NCALD: variants seen among roughly 807,000 people sequenced by gnomAD.
NCALD encodes the protein neurocalcin-delta.
Under a neutral mutation model 18.6 loss-of-function variants are expected in NCALD, and 10 were observed. The observed-to-expected ratio is 0.54, with a 90% CI of 0.33 to 0.91. The LOEUF is 0.91. Ranked by LOEUF, NCALD falls within the 40% of genes least tolerant of loss-of-function variation. The pLI is 0.03. For synonymous variants in NCALD, 88 were observed against 87.4 expected, an observed-to-expected ratio of 1.01 and a Z score of -0.04; for missense variants, 184 against 247.6, an observed-to-expected ratio of 0.74 and a Z score of 1.72.
chr8:101,774,529 CAT>C (rs1178170914), intron 1 of NCALD, among the ~76,000 whole-genome samples: 2 of 152,286 alleles, frequency 1.3e-5, no homozygotes, highest in African/African-American at 2.4e-5. Flanking sequence ...TACATTAACT[CAT>C]GTGTGATTAG....
In NCALD at chr8:101,689,075, A is replaced by C; in HGVS notation, c.*234T>G. On this transcript the variant is annotated 3_prime_UTR_variant, in exon 4 of 4. Transcript: ENST00000220931. This position sits in a 1 kb window ranked among gnomAD's most constrained non-coding sequence, Gnocchi z 4.4. Reference sequence around the variant, plus strand: ...TAGTAACGATTAAAAATCATCAAACAATGAACACCACGAAGTCTGTCCATG... The same window carrying C: ...TAGTAACGATTAAAAATCATCAAACCATGAACACCACGAAGTCTGTCCATG... 1.4e-6 allele frequency: 1 copy of C among 702,964 alleles called. No individual in the cohort carries two copies. The allele number at this position is 702,964 out of a possible 1,614,324, so 43.5% of individuals were successfully genotyped here. A position where few individuals can be genotyped will look rare whatever the true frequency, so the allele number is the denominator to read the frequency against.
At chr8:101,703,165 T>TC (rs1202082439) in intron 2 of NCALD, among the ~76,000 whole-genome samples, 12 of 142,752 alleles carry the variant, frequency 8.4e-5, no homozygotes, top group African/African-American at 2.2e-4. Context: ...TTTTTTTTTT[T>TC]CCCCCAAAAC....
chr8:102,037,894 G>A (rs955014166), intron 1 of NCALD, among the ~76,000 whole-genome samples: 2 of 152,094 alleles, frequency 1.3e-5, no homozygotes, highest in Non-Finnish European at 2.9e-5. Context: ...TGAACTGATA[G>A]CACTTTATAA....
chr8:102,055,268 AAG>A (rs1350418038), intron 1 of NCALD, among the ~76,000 whole-genome samples: 3 of 86,570 alleles, frequency 3.5e-5, no homozygotes, highest in South Asian at 3.5e-4. Flanking sequence ...AAAAAAAAAG[AAG>A]AAGAAGCCGG....
chr8:102,044,898 C>T (rs993474812), intron 1 of NCALD, among the ~76,000 whole-genome samples: 3 of 152,136 alleles, frequency 2.0e-5, no homozygotes, highest in Non-Finnish European at 2.9e-5. Flanking sequence ...AGCAGGACCA[C>T]TAGGTGGAAT....
intron 2 of NCALD, among the ~76,000 whole-genome samples, chr8:101,983,951 T>C (rs946748529): frequency 1.3e-5 from 2 of 152,174 alleles, no homozygotes; most frequent in African/African-American, 4.8e-5. Context: ...TCGTCATCCT[T>C]TGTTAGTTTC....
chr8:101,905,722 G>A (rs1485385596), intron 3 of NCALD, among the ~76,000 whole-genome samples: 1 of 152,160 alleles, frequency 6.6e-6, no homozygotes, highest in African/African-American at 2.4e-5. Flanking sequence ...TAAAGTCGAA[G>A]CTCCCTAACC....
At chr8:102,106,858 C>T (rs1236947790) in intron 1 of NCALD, among the ~76,000 whole-genome samples, 1 of 152,026 alleles carries the variant, frequency 6.6e-6, no homozygotes, top group East Asian at 1.9e-4. Flanking sequence ...AACAGCTAAG[C>T]CCAATCCATA....
chr8:101,924,474 C>T (rs1818271497), intron 2 of NCALD, among the ~76,000 whole-genome samples: 1 of 152,198 alleles, frequency 6.6e-6, no homozygotes, highest in Non-Finnish European at 1.5e-5. Context: ...GAATCCAACC[C>T]TAACTTTCCT....
At chr8:101,828,936 G>A (rs1814057501) in intron 4 of NCALD, among the ~76,000 whole-genome samples, 1 of 151,680 alleles carries the variant, frequency 6.6e-6, no homozygotes. Context: ...TAGGTGGGTG[G>A]GTGGGTGGAC....
intron 2 of NCALD, among the ~76,000 whole-genome samples, chr8:101,961,595 A>G (rs1819838062): frequency 6.6e-6 from 1 of 152,096 alleles, no homozygotes; most frequent in South Asian, 2.1e-4. Context: ...CCATTTGCTA[A>G]CTATACTTTT....
chr8:102,035,584 G>A (rs777905182), intron 1 of NCALD, among the ~76,000 whole-genome samples: 15 of 152,008 alleles, frequency 9.9e-5, no homozygotes, highest in Non-Finnish European at 2.1e-4. Context: ...CAGTGAATCA[G>A]CGTTTGTTCC....
intron 4 of NCALD, among the ~76,000 whole-genome samples, chr8:101,855,453 T>C (rs1295588571): frequency 2.6e-5 from 4 of 152,152 alleles, no homozygotes; most frequent in East Asian, 1.9e-4. Flanking sequence ...TTTGTACCCA[T>C]AGAGGATTTC....
chr8:101,917,715 A>C (rs1417322769), intron 2 of NCALD, among the ~76,000 whole-genome samples: 1 of 152,176 alleles, frequency 6.6e-6, no homozygotes, highest in East Asian at 1.9e-4. Context: ...TACTAACTAG[A>C]AAATTTAGAG....
At chr8:102,088,108 G>A (rs528420632) in intron 1 of NCALD, among the ~76,000 whole-genome samples, 1 of 152,266 alleles carries the variant, frequency 6.6e-6, no homozygotes, top group South Asian at 2.1e-4. Flanking sequence ...ATAGAACATG[G>A]GCTTAGAACC....
intron 1 of NCALD, among the ~76,000 whole-genome samples, chr8:102,048,266 A>G (rs1823317581): frequency 1.3e-5 from 2 of 152,224 alleles, no homozygotes; most frequent in South Asian, 4.1e-4. Flanking sequence ...CTTCCTCCAT[A>G]AAAGCAGACT....
At chr8:101,800,854 G>C (rs1196130508) in intron 4 of NCALD, among the ~76,000 whole-genome samples, 1 of 117,878 alleles carries the variant, frequency 8.5e-6, no homozygotes, top group African/African-American at 3.2e-5. Flanking sequence ...GAGGGGAGGG[G>C]AGGGGAGAGG....
chr8:101,712,250 C>T lies in NCALD; in HGVS notation c.378+7002G>A, dbSNP rs552585128. On this transcript the variant is annotated intron_variant, in intron 2 of 3. Coordinates refer to ENST00000220931, the MANE Select transcript of NCALD (RefSeq NM_032041.3). The stretch of plus-strand genomic sequence containing the variant: ...TCACCACCAGCCATACAAGAGTTCC[C>T]AAAGGAAGCACTAAATATGGAAAGG... Among the ~76,000 whole-genome samples, 25 of 152,104 alleles carry T rather than the reference C, an allele frequency of 1.6e-4. No individual in the cohort carries two copies. In the South Asian group the frequency reaches 3.9e-3, roughly 24 times the overall value.
At chr8:101,762,731 G>C (rs1450763144) in intron 1 of NCALD, among the ~76,000 whole-genome samples, 1 of 151,832 alleles carries the variant, frequency 6.6e-6, no homozygotes, top group African/African-American at 2.4e-5. Context: ...TTGCCACCAC[G>C]CCTGGCTAAT....
Sources: allele counts gnomAD v4.1 joint callset (sites outside exome capture counted in the v4.1 genomes callset), GRCh38; gene constraint gnomAD v4.1.1; non-coding constraint Gnocchi (gnomAD v3.1); transcripts MANE v1.5; gene names NCBI Gene and HGNC (gene_info 2026-07-23, HGNC 2026-07-21).